Variants in LEPR observed in about 807,000 individuals in gnomAD.
The protein encoded by LEPR is leptin receptor, also known as OB receptor.
A neutral mutation model predicts 114.7 loss-of-function variants in LEPR; 56 were observed. The observed-to-expected ratio is 0.49, with a 90% CI of 0.39 to 0.61. The LOEUF is 0.61. LEPR is among the 20% of genes least tolerant of loss of function. The pLI, the probability that LEPR is intolerant of heterozygous loss-of-function variation, is 0.00. For missense variants in LEPR, 1,202 were observed against 1,352.9 expected, an observed-to-expected ratio of 0.89 and a Z score of 1.75; for synonymous variants, 443 against 461.4, an observed-to-expected ratio of 0.96 and a Z score of 0.51.
At chr1:65,544,348 C>G (rs564485650) in intron 2 of LEPR, among the ~76,000 whole-genome samples, 1 of 151,916 alleles carries the variant, frequency 6.6e-6, no homozygotes, top group Non-Finnish European at 1.5e-5. Context: ...TGGGCTGAGA[C>G]GATGGGGTTT....
intron 5 of LEPR, among the ~76,000 whole-genome samples, chr1:65,579,732 T>C (rs930150862): frequency 2.6e-5 from 4 of 152,224 alleles, no homozygotes; most frequent in Admixed American, 6.5e-5. Flanking sequence ...CCCGTGAATA[T>C]GTGTAAGGTC....
At chr1:65,530,529 G>C (rs1376280311) in intron 2 of LEPR, among the ~76,000 whole-genome samples, 1 of 152,192 alleles carries the variant, frequency 6.6e-6, no homozygotes, top group Non-Finnish European at 1.5e-5. Context: ...TGAACACGGG[G>C]TGGATTATTC....
chr1:65,617,989 T>C lies in LEPR; in HGVS notation c.2238T>C (p.Ala746=). Residue 746 remains alanine, a synonymous_variant, in exon 16 of 20, where the codon GCT becomes GCC. Transcript: ENST00000349533. ...SKVNIVQSLS[A]YPLNSSCVIV... ...TAAATATCGTGCAGTCACTCAGTGC[T>C]TATCCTTTAAACAGCAGTTGTGTGA... 2 of 1,612,746 alleles carry C rather than the reference T, an allele frequency of 1.2e-6. No individual in the cohort carries two copies. The highest frequency in any genetic ancestry group is 2.2e-5 in the South Asian group (2 of 90,894).
At chr1:65,569,800 T>C (rs1440101508) in intron 3 of LEPR, among the ~76,000 whole-genome samples, 1 of 152,082 alleles carries the variant, frequency 6.6e-6, no homozygotes, top group Non-Finnish European at 1.5e-5. Flanking sequence ...ATTTTTATAT[T>C]TAAACAGTGA....
intron 2 of LEPR, among the ~76,000 whole-genome samples, chr1:65,468,004 T>G (rs1647036404): frequency 6.6e-6 from 1 of 152,128 alleles, no homozygotes; most frequent in Admixed American, 6.5e-5. Flanking sequence ...CCGGGTGAGG[T>G]GATGCCCTGC....
intron 2 of LEPR, among the ~76,000 whole-genome samples, chr1:65,523,020 C>G (rs1017932253): frequency 6.6e-6 from 1 of 152,114 alleles, no homozygotes; most frequent in Non-Finnish European, 1.5e-5. Context: ...CAGGTATGTA[C>G]CCAATATTGT....
chr1:65,427,480 G>A (rs911104132), intron 2 of LEPR, among the ~76,000 whole-genome samples: 1 of 152,140 alleles, frequency 6.6e-6, no homozygotes, highest in African/African-American at 2.4e-5. Flanking sequence ...GATTGGTTGA[G>A]CCCAGGGGTT....
At chr1:65,596,728 C>T in intron 7 of LEPR, 135 bp downstream of exon 7, 3 of 756,952 alleles carry the variant, frequency 4.0e-6, no homozygotes, top group Non-Finnish European at 6.4e-6. Context: ...TTCAACATTT[C>T]ATATTATATA....
At chr1:65,506,571 C>G (rs1188149354) in intron 2 of LEPR, among the ~76,000 whole-genome samples, 1 of 152,166 alleles carries the variant, frequency 6.6e-6, no homozygotes, top group Non-Finnish European at 1.5e-5. Flanking sequence ...TTATACTAGT[C>G]TAAGTCTTTT....
At chr1:65,554,738 T>C (rs912130408) in intron 2 of LEPR, among the ~76,000 whole-genome samples, 1 of 151,882 alleles carries the variant, frequency 6.6e-6, no homozygotes, top group Non-Finnish European at 1.5e-5. Context: ...TTGCTGGCAT[T>C]CCAGGCACTG....
rs147406470 is a variant in LEPR at position 65,488,567 on chromosome 1, G to T, written c.-21+63189G>T. Among the ~76,000 whole-genome samples, 413 of 151,458 alleles carry T rather than the reference G, an allele frequency of 2.7e-3. 1 individual carries two copies. The highest frequency in any genetic ancestry group is 9.2e-3 in the African/African-American group (379 of 41,220). ...TGGTGTCAAACTCCTGAGCTCAAGCGGTCTGCTTGCCTCAGCCTCCCAAAG... is the reference window on the plus strand; with the variant it reads ...TGGTGTCAAACTCCTGAGCTCAAGCTGTCTGCTTGCCTCAGCCTCCCAAAG... On this transcript the variant is annotated intron_variant, in intron 2 of 19. Transcript: ENST00000349533.
intron 10 of LEPR, among the ~76,000 whole-genome samples, chr1:65,603,214 TTTTTGCTG>T (rs1656567625): frequency 6.6e-6 from 1 of 152,074 alleles, no homozygotes; most frequent in Non-Finnish European, 1.5e-5. Flanking sequence ...CAATATATGG[TTTTTGCTG>T]TCATGATAAT....
At position 65,575,464 on chromosome 1, in the gene LEPR, A is replaced by G. The variant is rs527338141; in HGVS notation, c.494+3015A>G. On this transcript the variant is annotated intron_variant, in intron 5 of 19. Coordinates refer to ENST00000349533, the MANE Select transcript of LEPR (RefSeq NM_002303.6). ...TTAAGTGCAACTATACTTTAAAAAA[A>G]AAATCAAAAAGATCCTTTATTTCAT... Among the ~76,000 whole-genome samples the G allele has an allele frequency of 5.1e-4, 78 of 151,644 alleles. 1 individual carries two copies. The South Asian group carries it at 0.016, about 31-fold the overall frequency.
chr1:65,445,717 CTTAGAGTTTTGT>C (rs1396560414), intron 2 of LEPR, among the ~76,000 whole-genome samples: 1 of 151,664 alleles, frequency 6.6e-6, no homozygotes, highest in Non-Finnish European at 1.5e-5. Context: ...ACACACTGAA[CTTAGAGTTTTGT>C]TTTTTTTCTA....
At chr1:65,491,967 C>A (rs12758382) in intron 2 of LEPR, among the ~76,000 whole-genome samples, 97 of 152,186 alleles carry the variant, frequency 6.4e-4, no homozygotes, top group South Asian at 2.9e-3. Context: ...TGCTTAGAAT[C>A]CTTTTAGAAT....
intron 19 of LEPR, chr1:65,634,927 A>C (rs994378743): frequency 1.2e-6 from 1 of 819,878 alleles, no homozygotes; most frequent in Non-Finnish European, 1.5e-6. Flanking sequence ...TATTATGATT[A>C]TGAATAATAG....
chr1:65,473,162 T>G (rs1250976873), intron 2 of LEPR, among the ~76,000 whole-genome samples: 1 of 152,214 alleles, frequency 6.6e-6, no homozygotes, highest in Non-Finnish European at 1.5e-5. Flanking sequence ...TCATATGCAT[T>G]GTTTGTAACA....
chr1:65,446,946 C>T (rs897759989), intron 2 of LEPR, among the ~76,000 whole-genome samples: 5 of 152,216 alleles, frequency 3.3e-5, no homozygotes, highest in Non-Finnish European at 5.9e-5. Flanking sequence ...ATCCTCTCAC[C>T]TCAGCCTCCT....
chr1:65,473,127 G>A (rs548959723), intron 2 of LEPR, among the ~76,000 whole-genome samples: 2 of 152,302 alleles, frequency 1.3e-5, no homozygotes, highest in South Asian at 4.1e-4. Context: ...GGCTTGCCCT[G>A]TGCCAGGGTC....
Sources: allele counts gnomAD v4.1 joint callset (sites outside exome capture counted in the v4.1 genomes callset), GRCh38; gene constraint gnomAD v4.1.1; transcripts MANE v1.5; gene names NCBI Gene and HGNC (gene_info 2026-07-23, HGNC 2026-07-21).